The following FRMPD4 variants were observed in gnomAD, a reference collection of about 807,000 sequenced individuals.
FRMPD4 encodes the protein FERM and PDZ domain-containing protein 4.
In FRMPD4, 22 loss-of-function variants were observed where a neutral mutation model predicts 94.1. That is an observed-to-expected ratio of 0.23 (90% CI 0.17 to 0.33). FRMPD4 has a LOEUF of 0.33. Among genes scored for constraint, FRMPD4 ranks in the 10% least tolerant of loss-of-function variants. The pLI is 1.00. For synonymous variants in FRMPD4, 631 were observed against 548.6 expected (o/e 1.15, Z -2.10); for missense variants, 1,111 against 1,339.9 (o/e 0.83, Z 2.67).
intron 2 of FRMPD4, among the ~76,000 whole-genome samples, chrX:12,507,478 T>C (rs778161717): frequency 8.9e-6 from 1 of 112,281 alleles, no homozygotes; most frequent in Non-Finnish European, 1.9e-5. Context: ...ATGAGCTATA[T>C]AGTACTTTGC....
intron 3 of FRMPD4, among the ~76,000 whole-genome samples, chrX:11,891,729 C>A (rs1431846421): frequency 8.9e-6 from 1 of 112,067 alleles, no homozygotes; most frequent in Non-Finnish European, 1.9e-5. Context: ...ATAATTTTAT[C>A]TCCTCATAGG....
intron 1 of FRMPD4, among the ~76,000 whole-genome samples, chrX:12,199,510 G>A (rs1460110056): frequency 9.0e-6 from 1 of 111,633 alleles, no homozygotes; most frequent in African/African-American, 3.3e-5. Flanking sequence ...CCTGTGTACA[G>A]CCTGTGCAGG....
chrX:12,593,471 A>G (rs1005786341), intron 2 of FRMPD4, among the ~76,000 whole-genome samples: 1 of 112,227 alleles, frequency 8.9e-6, no homozygotes, highest in Non-Finnish European at 1.9e-5. Context: ...GAGTTTTCAG[A>G]TCATTCAGCT....
intron 1 of FRMPD4, among the ~76,000 whole-genome samples, chrX:12,382,518 TAGCATAGCATAG>T (rs1371741927): frequency 0.12 from 2,774 of 23,955 alleles, 80 homozygotes; most frequent in Non-Finnish European, 0.22. Context: ...TAGCATAGCA[TAGCATAGCATAG>T]AGCATAGCAT....
intron 4 of FRMPD4, among the ~76,000 whole-genome samples, chrX:12,649,855 T>C (rs897651336): frequency 1.3e-4 from 15 of 112,889 alleles, no homozygotes; most frequent in Non-Finnish European, 9.4e-5. Flanking sequence ...AGCAGTCTTC[T>C]GATGAAAATG....
intron 1 of FRMPD4, among the ~76,000 whole-genome samples, chrX:12,307,491 G>A (rs900720669): frequency 9.0e-6 from 1 of 111,722 alleles, no homozygotes; most frequent in Non-Finnish European, 1.9e-5. Flanking sequence ...AAAGAAATCC[G>A]ACACAAATAA....
At chrX:12,719,206 G>C (rs1333480124) in intron 16 of FRMPD4, among the ~76,000 whole-genome samples, 1 of 112,556 alleles carries the variant, frequency 8.9e-6, no homozygotes, top group Non-Finnish European at 1.9e-5. Context: ...TAAGAGAGCA[G>C]GGTATCAGGG....
At chrX:12,511,442 C>A (rs764127499) in intron 2 of FRMPD4, among the ~76,000 whole-genome samples, 33 of 110,324 alleles carry the variant, frequency 3.0e-4, no homozygotes, top group African/African-American at 1.1e-3. Context: ...AACAAAGAGA[C>A]ACAAACTATA....
At chrX:12,720,511 T>A (rs777403587) in intron 16 of FRMPD4, 23 bp from the exon 17 acceptor site, 4 of 1,202,737 alleles carry the variant, frequency 3.3e-6, no homozygotes, top group Non-Finnish European at 4.5e-6. Context: ...ATTCTCTCTG[T>A]TTTTCTACTA....
chrX:12,084,435 T>TG (rs2055090728), intron 3 of FRMPD4, among the ~76,000 whole-genome samples: 1 of 110,236 alleles, frequency 9.1e-6, no homozygotes, highest in Admixed American at 9.6e-5. Context: ...GTCAGCAATG[T>TG]GAAAAAAAAA....
At chrX:11,963,551 T>C (rs778736579) in intron 3 of FRMPD4, among the ~76,000 whole-genome samples, 116 of 112,305 alleles carry the variant, frequency 1.0e-3, no homozygotes, top group African/African-American at 3.7e-3. Flanking sequence ...ATCTAATCTT[T>C]TTGAGAAAGA....
At chrX:12,091,971 G>A (rs2055157284) in intron 3 of FRMPD4, among the ~76,000 whole-genome samples, 1 of 111,718 alleles carries the variant, frequency 9.0e-6, no homozygotes, top group South Asian at 3.8e-4. Flanking sequence ...GATTATGGTG[G>A]TGGTGGTGGC....
At chrX:11,880,475 A>G (rs778306907) in intron 3 of FRMPD4, among the ~76,000 whole-genome samples, 2 of 111,459 alleles carry the variant, frequency 1.8e-5, no homozygotes, top group Non-Finnish European at 3.8e-5. Context: ...ATTATAGGCT[A>G]TATTGCTATA....
At position 12,295,607 on chromosome X, in the gene FRMPD4, C is replaced by T. The variant is rs1466140759; in HGVS notation, c.41+156595C>T. Reference sequence around the variant, plus strand: ...TCTTAGTTTACCATTTTACTTGCATCCCCACATTGGATGACTAACTCCTCT... The same window carrying T: ...TCTTAGTTTACCATTTTACTTGCATTCCCACATTGGATGACTAACTCCTCT... On this transcript the variant is annotated intron_variant, in intron 1 of 16. Transcript: ENST00000675598. 2.7e-5 allele frequency among the ~76,000 whole-genome samples: 3 copies of T among 111,939 alleles called. No individual in the cohort carries two copies. The East Asian group carries it at 8.3e-4, about 31-fold the overall frequency.
At chrX:12,037,483 A>G (rs1252201345) in intron 3 of FRMPD4, among the ~76,000 whole-genome samples, 5 of 111,870 alleles carry the variant, frequency 4.5e-5, no homozygotes, top group Non-Finnish European at 9.4e-5. Context: ...AATTATATAA[A>G]TGAAATCATA....
chrX:11,956,841 C>T (rs902493221), intron 3 of FRMPD4, among the ~76,000 whole-genome samples: 12 of 111,814 alleles, frequency 1.1e-4, no homozygotes, highest in African/African-American at 3.3e-4. Flanking sequence ...GGATCTGGTC[C>T]GCAGGTTTGT....
intron 1 of FRMPD4, among the ~76,000 whole-genome samples, chrX:12,159,193 T>G (rs2055984020): frequency 8.9e-6 from 1 of 112,176 alleles, no homozygotes; most frequent in African/African-American, 3.2e-5. Context: ...GGACCTAAAT[T>G]TAGTCTTCAG....
At position 12,331,775 on chromosome X, in the gene FRMPD4, T is replaced by TTATATATTTATATACTGTATATAAATTA. The variant is rs1167079832; in HGVS notation, c.42-166888_42-166861dup. ...TTATATACTATATATAAATTATATA[T>TTATATATTTATATACTGTATATAAATTA]TATATATTTATATACTGTATATAAA... On this transcript the variant is annotated intron_variant, in intron 1 of 16. Transcript: ENST00000675598. 4.8e-5 allele frequency among the ~76,000 whole-genome samples: 2 copies of TTATATATTTATATACTGTATATAAATTA among 42,058 alleles called. 1 individual carries two copies. The highest frequency in any genetic ancestry group is 7.5e-5 in the Non-Finnish European group (2 of 26,540). The allele number at this position is 42,058 out of a possible 115,157, so 36.5% of individuals were successfully genotyped here.
intron 1 of FRMPD4, among the ~76,000 whole-genome samples, chrX:12,245,589 C>T (rs60666315): frequency 0.1 from 10,647 of 104,312 alleles, 562 homozygotes; most frequent in South Asian, 0.23. Flanking sequence ...TGAATGCCAC[C>T]TCCAAAGCTC....
Sources: gnomAD v4.1 joint callset for allele counts (sites outside exome capture counted in the v4.1 genomes callset) on GRCh38, gnomAD v4.1.1 for gene constraint, MANE v1.5 for transcripts, NCBI Gene and HGNC (gene_info 2026-07-23, HGNC 2026-07-21) for gene names.